The following TOP3A variants were observed in gnomAD, a reference collection of about 807,000 sequenced individuals.
TOP3A encodes the protein DNA topoisomerase 3-alpha.
TOP3A carries 64 observed loss-of-function variants against 111.3 expected under a neutral mutation model. The observed-to-expected ratio is 0.57, with a 90% confidence interval of 0.47 to 0.71. The LOEUF is 0.71. Among genes scored for constraint, TOP3A ranks in the 30% least tolerant of loss-of-function variants. The probability of loss-of-function intolerance (pLI) is 0.00; values close to 1 mark genes in which losing one functional copy is unlikely to be tolerated. For synonymous variants in TOP3A, 484 were observed against 485.1 expected, an observed-to-expected ratio of 1.00 and a Z score of 0.03; for missense variants, 1,104 against 1,285.0, an observed-to-expected ratio of 0.86 and a Z score of 2.15.
chr17:18,305,025 T>A (rs1981465750), intron 5 of TOP3A, 87 bp downstream of exon 5: 1 of 1,085,342 alleles, frequency 9.2e-7, no homozygotes, highest in African/African-American at 1.5e-5. Context: ...GAGGACCTCA[T>A]CCGTGGCCCA....
intron 9 of TOP3A, 152 bp from the exon 10 acceptor site, chr17:18,294,937 G>C: frequency 3.2e-6 from 2 of 616,152 alleles, no homozygotes; most frequent in Non-Finnish European, 5.9e-6. Context: ...AACGATTTCT[G>C]GGCCTGCCAA....
chr17:18,297,099 A>G (rs1980856881), intron 9 of TOP3A, among the ~76,000 whole-genome samples: 1 of 152,176 alleles, frequency 6.6e-6, no homozygotes, highest in African/African-American at 2.4e-5. Flanking sequence ...CAAACCTCAT[A>G]CAATGCAGTT....
At chr17:18,287,717 G>A (rs914127357) in intron 13 of TOP3A, among the ~76,000 whole-genome samples, 4 of 152,034 alleles carry the variant, frequency 2.6e-5, no homozygotes, top group Admixed American at 6.6e-5. Flanking sequence ...TTTAGGGGCC[G>A]GGCATGGTGG....
rs969781753 is a variant in TOP3A at position 18,273,412 on chromosome 17, A to T, written c.*1390T>A. 1 of 152,228 alleles carries T rather than the reference A, an allele frequency of 6.6e-6. No homozygotes were observed. The highest frequency in any genetic ancestry group is 1.5e-5 in the Non-Finnish European group (1 of 68,048). 9.4% of individuals were successfully genotyped at this position (152,228 alleles called of 1,614,324 possible). A position where few individuals can be genotyped will look rare whatever the true frequency, so the allele number is the denominator to read the frequency against. ...TTAGACATCTCTGCTCTGAGGGACC[A>T]TCTGTGGGGTGAGAAGAAATTGGGC... is the stretch of plus-strand genomic sequence containing the variant. On this transcript the variant is annotated 3_prime_UTR_variant, in exon 19 of 19. Coordinates refer to ENST00000321105, the MANE Select transcript of TOP3A (RefSeq NM_004618.5).
intron 9 of TOP3A, among the ~76,000 whole-genome samples, chr17:18,296,052 C>T (rs569335161): frequency 9.9e-5 from 15 of 151,998 alleles, no homozygotes; most frequent in Non-Finnish European, 2.1e-4. Flanking sequence ...AGGCGTGAGC[C>T]ACTGCGCCCG....
Position 18,314,608 on chromosome 17 carries a change from G to A in TOP3A, c.171C>T (p.Arg57=), listed in dbSNP as rs893217346. 2.5e-6 allele frequency: 4 copies of A among 1,610,322 alleles called. No individual in the cohort carries two copies. Among genetic ancestry groups the A allele is most frequent in the Non-Finnish European group, 2.5e-6 (3 of 1,178,048 alleles). Residue 57 remains arginine (R), a synonymous_variant, in exon 1 of 19, where the codon CGC becomes CGT. Transcript: ENST00000321105. ...GAACGCGCTTTCTTACCCGCCTCAT[G>A]CGACCGTTTGACAGCAGGTCGGCGA... The part of the protein sequence containing the change: ...KGIADLLSNG[R]MRRREGLSKF...
At position 18,290,657 on chromosome 17, in the gene TOP3A, G is replaced by C. The variant is rs757819176; in HGVS notation, c.1497C>G (p.His499Gln). The C allele has an allele frequency of 6.2e-7, 1 of 1,608,564 alleles. No individual in the cohort carries two copies. Among genetic ancestry groups the C allele is most frequent in the Non-Finnish European group, 8.5e-7 (1 of 1,176,356 alleles). The change falls in exon 13 of 19, where the codon CAC becomes CAG. Residue 499 changes from histidine to glutamine, a missense_variant. Transcript: ENST00000321105. ...KILPVYEQGS[H>Q]FQPSTVEMVD... is the part of the protein sequence containing the mutation. ...CCATCTCCACGGTGCTGGGCTGAAA[G>C]TGGGATCCTTGCTCATAGACAGGGA...
chr17:18,307,542 G>C (rs1002503421), intron 3 of TOP3A: 1 of 152,292 alleles, frequency 6.6e-6, no homozygotes, highest in Admixed American at 6.5e-5. Context: ...AGGTTACAAT[G>C]AGTCAAGATT....
At chr17:18,288,612 G>A (rs1297245881) in intron 13 of TOP3A, among the ~76,000 whole-genome samples, 1 of 152,048 alleles carries the variant, frequency 6.6e-6, no homozygotes, top group Admixed American at 6.5e-5. Context: ...ATCTTTCCAG[G>A]CTCACCTTCT....
intron 15 of TOP3A, among the ~76,000 whole-genome samples, chr17:18,283,978 T>C (rs1979926421): frequency 6.6e-6 from 1 of 152,084 alleles, no homozygotes; most frequent in Non-Finnish European, 1.5e-5. Context: ...GCTATTTGGA[T>C]GTGCCCCAAA....
intron 9 of TOP3A, among the ~76,000 whole-genome samples, chr17:18,297,667 C>G (rs1980912640): frequency 6.6e-6 from 1 of 152,036 alleles, no homozygotes; most frequent in Non-Finnish European, 1.5e-5. Context: ...GCTAGTGATC[C>G]GCCAGCCTCG....
intron 16 of TOP3A, among the ~76,000 whole-genome samples, chr17:18,281,455 C>G (rs1022649659): frequency 2.0e-5 from 3 of 152,104 alleles, no homozygotes; most frequent in Non-Finnish European, 4.4e-5. Flanking sequence ...TAATAATTCT[C>G]CAATTCAGAG....
chr17:18,300,186 G>A (rs28537488), intron 8 of TOP3A, among the ~76,000 whole-genome samples: 1 of 13,400 alleles, frequency 7.5e-5, no homozygotes, highest in Non-Finnish European at 1.3e-4. Flanking sequence ...TTACAAGGTC[G>A]AGAGCTAGAC....
In TOP3A at chr17:18,285,134, G is replaced by A. The variant is rs776095722; in HGVS notation, c.1877+8C>T. ...TGAGACCCCTCTGTATTTCTTTTAA[G>A]GACTTACTTCTTTGCTTTAGCCACC... On this transcript the variant is annotated splice_region_variant and intron_variant, in intron 15 of 18. Transcript: ENST00000321105. 6.2e-6 allele frequency: 10 copies of A among 1,612,860 alleles called. No individual in the cohort carries two copies. The highest frequency in any genetic ancestry group is 1.7e-4 in the Middle Eastern group (1 of 6,060).
At chr17:18,276,863 TATC>T (rs1422060923) in intron 18 of TOP3A, among the ~76,000 whole-genome samples, 3 of 152,118 alleles carry the variant, frequency 2.0e-5, no homozygotes, top group Admixed American at 6.5e-5. Context: ...GGTTCCTAAA[TATC>T]ATCGGGGTTG....
At chr17:18,286,713 G>A (rs942874257) in intron 13 of TOP3A, among the ~76,000 whole-genome samples, 2 of 152,192 alleles carry the variant, frequency 1.3e-5, no homozygotes, top group Admixed American at 6.5e-5. Flanking sequence ...GTTAAATGTA[G>A]AGTTACCAAG....
At chr17:18,299,938 G>A (rs574946090) in intron 8 of TOP3A, among the ~76,000 whole-genome samples, 24 of 152,172 alleles carry the variant, frequency 1.6e-4, no homozygotes, top group Non-Finnish European at 2.5e-4. Flanking sequence ...CTATGTACAC[G>A]TGCACAGTGC....
chr17:18,279,478 G>A lies in TOP3A; in HGVS notation c.2144+1058C>T, dbSNP rs574271765. Among the ~76,000 whole-genome samples, 7 of 87,174 alleles carry A rather than the reference G, an allele frequency of 8.0e-5. 1 individual carries two copies. Among genetic ancestry groups the A allele is most frequent in the Non-Finnish European group, 1.7e-4 (7 of 41,050 alleles). 57.2% of individuals were successfully genotyped at this position (87,174 alleles called of 152,430 possible). On this transcript the variant is annotated intron_variant, in intron 17 of 18. Coordinates refer to ENST00000321105, the MANE Select transcript of TOP3A (RefSeq NM_004618.5). ...TCACCATGTTAGCCAGGATGGTCTC[G>A]ATCTCCTGACCTCGTGATCCACCCA... is the stretch of plus-strand genomic sequence containing the variant.
chr17:18,308,644 A>G lies in TOP3A; in HGVS notation c.241-220T>C, dbSNP rs111826927. ...AACTGACGCCTCTTGCATCAGTTAA[A>G]TTTTCCTCAAACTATTGTATATTAG... On this transcript the variant is annotated intron_variant, in intron 2 of 18. Coordinates refer to ENST00000321105, the MANE Select transcript of TOP3A (RefSeq NM_004618.5). 7.8e-3 allele frequency: 3,730 copies of G among 479,448 alleles called. 121 individuals carry two copies. The highest frequency in any genetic ancestry group is 0.068 in the African/African-American group (3,354 of 49,376). The allele number at this position is 479,448 out of a possible 1,614,324, so 29.7% of individuals were successfully genotyped here. A position where few individuals can be genotyped will look rare whatever the true frequency, so the allele number is the denominator to read the frequency against.
Sources: gnomAD v4.1 joint callset for allele counts (sites outside exome capture counted in the v4.1 genomes callset) on GRCh38, gnomAD v4.1.1 for gene constraint, MANE v1.5 for transcripts, NCBI Gene and HGNC (gene_info 2026-07-23, HGNC 2026-07-21) for gene names.